The following GABRG3 variants were observed in gnomAD, a reference collection of about 807,000 sequenced individuals.
The protein encoded by GABRG3 is gamma-aminobutyric acid type A receptor subunit gamma3.
GABRG3 carries 25 observed loss-of-function variants against 48.8 expected under a neutral mutation model. That is an observed-to-expected ratio of 0.51 (90% CI 0.37 to 0.72). The LOEUF (loss-of-function observed/expected upper bound fraction) is 0.72, where lower values mean the gene tolerates loss of function less well. Among genes scored for constraint, GABRG3 ranks in the 30% least tolerant of loss-of-function variants. GABRG3 has a pLI of 0.00. For synonymous variants in GABRG3, 227 were observed against 217.6 expected (o/e 1.04, Z -0.38); for missense variants, 394 against 577.9 (o/e 0.68, Z 3.26).
At chr15:27,089,746 T>C (rs1377501588) in intron 3 of GABRG3, among the ~76,000 whole-genome samples, 1 of 152,236 alleles carries the variant, frequency 6.6e-6, no homozygotes, top group Non-Finnish European at 1.5e-5. Flanking sequence ...TTTCTGCCTC[T>C]GTGCATTTGT....
intron 3 of GABRG3, among the ~76,000 whole-genome samples, chr15:27,078,582 G>A (rs1026222575): frequency 6.6e-6 from 1 of 152,210 alleles, no homozygotes; most frequent in Non-Finnish European, 1.5e-5. Flanking sequence ...GGGTACCGAG[G>A]CTATGATAGG....
At chr15:27,190,854 G>T (rs1034617017) in intron 3 of GABRG3, among the ~76,000 whole-genome samples, 3 of 151,842 alleles carry the variant, frequency 2.0e-5, no homozygotes, top group African/African-American at 7.3e-5. Flanking sequence ...GCTTTCTCTC[G>T]TGGGCATTTA....
intron 3 of GABRG3, among the ~76,000 whole-genome samples, chr15:27,128,397 G>C (rs150839852): frequency 8.3e-4 from 127 of 152,182 alleles, no homozygotes; most frequent in African/African-American, 2.7e-3. Flanking sequence ...ACTTATCTCA[G>C]GTACCGGAAT....
At chr15:27,090,831 G>A (rs1897172084) in intron 3 of GABRG3, among the ~76,000 whole-genome samples, 1 of 152,104 alleles carries the variant, frequency 6.6e-6, no homozygotes, top group Non-Finnish European at 1.5e-5. Flanking sequence ...TATGAAATTG[G>A]TGCAACTGAT....
chr15:27,353,992 T>G (rs899262658), intron 5 of GABRG3, among the ~76,000 whole-genome samples: 1 of 151,928 alleles, frequency 6.6e-6, no homozygotes, highest in Non-Finnish European at 1.5e-5. Context: ...CCTGGCTCTG[T>G]AAGGGCTCAG....
chr15:27,306,722 T>C (rs1030980793), intron 3 of GABRG3, among the ~76,000 whole-genome samples: 1 of 129,420 alleles, frequency 7.7e-6, no homozygotes, highest in African/African-American at 3.0e-5. Context: ...AATATAAACA[T>C]GTTTATATAT....
intron 5 of GABRG3, chr15:27,366,252 T>A (rs1194755723): frequency 6.6e-6 from 1 of 152,216 alleles, no homozygotes; most frequent in East Asian, 1.9e-4. Context: ...AAGATCATGA[T>A]GAGCCCACGG....
At chr15:27,272,457 G>C (rs1277344842) in intron 3 of GABRG3, among the ~76,000 whole-genome samples, 1 of 152,214 alleles carries the variant, frequency 6.6e-6, no homozygotes. Flanking sequence ...GCCATGGTAT[G>C]TCTGTAACAG....
At chr15:27,310,689 G>C (rs1334516557) in intron 3 of GABRG3, among the ~76,000 whole-genome samples, 1 of 152,018 alleles carries the variant, frequency 6.6e-6, no homozygotes, top group Non-Finnish European at 1.5e-5. Flanking sequence ...TGAATAAAAA[G>C]AAGAAGTTTG....
intron 3 of GABRG3, among the ~76,000 whole-genome samples, chr15:27,062,897 T>A (rs1896675455): frequency 6.6e-6 from 1 of 152,216 alleles, no homozygotes; most frequent in African/African-American, 2.4e-5. Context: ...ATTACTTTAT[T>A]TGTAAAATAA....
intron 3 of GABRG3, among the ~76,000 whole-genome samples, chr15:27,070,512 T>C (rs1227676424): frequency 6.6e-6 from 1 of 152,224 alleles, no homozygotes; most frequent in Non-Finnish European, 1.5e-5. Flanking sequence ...TAAAATTTCC[T>C]CTCTTGCACC....
intron 3 of GABRG3, among the ~76,000 whole-genome samples, chr15:27,148,190 T>C (rs1454668): frequency 0.3 from 45,005 of 151,714 alleles, 7,376 homozygotes; most frequent in Non-Finnish European, 0.36. Flanking sequence ...TATTAGATTA[T>C]AATCTATAAT....
intron 6 of GABRG3, among the ~76,000 whole-genome samples, chr15:27,517,148 G>C (rs1891039648): frequency 6.6e-6 from 1 of 151,624 alleles, no homozygotes; most frequent in Non-Finnish European, 1.5e-5. Flanking sequence ...CCAGTATCAT[G>C]CACTCCTCCA....
intron 3 of GABRG3, among the ~76,000 whole-genome samples, chr15:27,290,458 C>CT (rs1438444459): frequency 6.6e-6 from 1 of 152,094 alleles, no homozygotes; most frequent in Admixed American, 6.6e-5. Flanking sequence ...CAAATATGAT[C>CT]TTATCCAGAT....
At chr15:26,983,405 A>G (rs1412918124) in intron 2 of GABRG3, among the ~76,000 whole-genome samples, 1 of 152,174 alleles carries the variant, frequency 6.6e-6, no homozygotes, top group Non-Finnish European at 1.5e-5. Context: ...CTCTCCAGAT[A>G]GCACTTCGGA....
At chr15:27,218,085 C>T (rs1448067620) in intron 3 of GABRG3, among the ~76,000 whole-genome samples, 1 of 152,190 alleles carries the variant, frequency 6.6e-6, no homozygotes, top group Non-Finnish European at 1.5e-5. Flanking sequence ...TTACAGCTCG[C>T]TGTAGCCTCC....
At chr15:27,004,698 T>C (rs1353127580) in intron 2 of GABRG3, among the ~76,000 whole-genome samples, 1 of 152,274 alleles carries the variant, frequency 6.6e-6, no homozygotes, top group Non-Finnish European at 1.5e-5. Flanking sequence ...TGCATCTTGA[T>C]TGTTTTATGT....
At chr15:26,995,968 T>C (rs1895333203) in intron 2 of GABRG3, among the ~76,000 whole-genome samples, 2 of 152,196 alleles carry the variant, frequency 1.3e-5, no homozygotes, top group Admixed American at 6.5e-5. Context: ...CCAATGCAGC[T>C]GTATTCCTAC....
At chr15:27,168,274 A>G (rs77852135) in intron 3 of GABRG3, among the ~76,000 whole-genome samples, 3,512 of 152,216 alleles carry the variant, frequency 0.023, 143 homozygotes, top group African/African-American at 0.08. Context: ...CTCTCATTCA[A>G]TCAGATTGAA....
Sources: allele counts gnomAD v4.1 joint callset (sites outside exome capture counted in the v4.1 genomes callset), GRCh38; gene constraint gnomAD v4.1.1; transcripts MANE v1.5; gene names NCBI Gene and HGNC (gene_info 2026-07-23, HGNC 2026-07-21).